The following EYS variants were observed in gnomAD, a reference collection of about 807,000 sequenced individuals.
EYS encodes protein eyes shut homolog.
EYS carries 250 observed loss-of-function variants against 282.1 expected under a neutral mutation model. The ratio of observed to expected loss-of-function variants is 0.89; its 90% CI spans 0.80 to 0.98. The LOEUF is 0.98. Ranked by LOEUF, EYS falls within the 50% of genes least tolerant of loss-of-function variation. EYS has a pLI of 0.00. For synonymous variants in EYS, 1,355 were observed against 1,282.9 expected (o/e 1.06, Z -1.20); for missense variants, 4,016 against 3,709.0 (o/e 1.08, Z -2.15).
intron 36 of EYS, among the ~76,000 whole-genome samples, chr6:63,852,029 C>T (rs1772267554): frequency 6.6e-6 from 1 of 151,172 alleles, no homozygotes. Context: ...TAGTGGCGGG[C>T]ACCTGTAGTC....
chr6:65,282,306 CTATT>C (rs1238478856), intron 12 of EYS, among the ~76,000 whole-genome samples: 3 of 151,902 alleles, frequency 2.0e-5, no homozygotes, highest in Admixed American at 2.0e-4. Context: ...ACTCCACATT[CTATT>C]TATAAATCAA....
chr6:65,467,492 C>G (rs905872570), intron 5 of EYS, among the ~76,000 whole-genome samples: 1 of 150,064 alleles, frequency 6.7e-6, no homozygotes, highest in East Asian at 2.0e-4. Flanking sequence ...AACTGATACA[C>G]ATGACTATTT....
Position 65,295,941 on chromosome 6 carries a change from A to G in EYS, c.1945T>C (p.Ser649Pro), listed in dbSNP as rs1768650310. The part of the protein sequence containing the change: ...ICEIDTEDCK[S>P]ASCKNGTTST... The stretch of plus-strand genomic sequence containing the variant: ...GTTGTTCCATTTTTGCAGGACGCAG[A>G]TTTGCAGTCTTCAGTATCTATCTCA... Residue 649 changes from serine to proline, a missense_variant, in exon 12 of 43, where the codon TCT (serine) becomes CCT (proline). Coordinates refer to ENST00000503581, the MANE Select transcript of EYS (RefSeq NM_001142800.2). The G allele has an allele frequency of 2.6e-6, 4 of 1,550,990 alleles. No homozygotes were observed. Among genetic ancestry groups the G allele is most frequent in the Non-Finnish European group, 3.5e-6 (4 of 1,146,416 alleles).
chr6:64,408,300 A>C (rs1773787501), intron 28 of EYS, among the ~76,000 whole-genome samples: 2 of 152,172 alleles, frequency 1.3e-5, no homozygotes, highest in Non-Finnish European at 2.9e-5. Context: ...TATAAATGTG[A>C]TTGTGACTGC....
intron 37 of EYS, 49 bp downstream of exon 37, chr6:63,806,141 G>A (rs1467347445): frequency 6.9e-7 from 1 of 1,456,364 alleles, no homozygotes; most frequent in South Asian, 1.3e-5. Context: ...AATCTCTAAA[G>A]TATTCTTAAA....
intron 12 of EYS, among the ~76,000 whole-genome samples, chr6:65,202,386 G>A (rs1389150423): frequency 1.3e-5 from 2 of 152,032 alleles, no homozygotes; most frequent in Non-Finnish European, 2.9e-5. Flanking sequence ...GAAATGTCTT[G>A]TCTAGCTGTT....
intron 22 of EYS, among the ~76,000 whole-genome samples, chr6:64,657,340 T>G (rs1172612371): frequency 4.6e-5 from 7 of 152,214 alleles, no homozygotes; most frequent in Non-Finnish European, 1.0e-4. Context: ...AATTGGAGCA[T>G]TTAGCCCATT....
chr6:64,340,219 T>C (rs1325913628), intron 29 of EYS, among the ~76,000 whole-genome samples: 6 of 146,212 alleles, frequency 4.1e-5, no homozygotes, highest in Middle Eastern at 3.5e-3. Flanking sequence ...AGAAAAAGAG[T>C]ATTCTAAAAT....
intron 24 of EYS, among the ~76,000 whole-genome samples, chr6:64,616,017 G>A (rs1403605969): frequency 6.6e-6 from 1 of 152,070 alleles, no homozygotes; most frequent in Non-Finnish European, 1.5e-5. Context: ...TATTTCACAT[G>A]TGAAAGAACA....
chr6:65,575,318 C>T (rs1024285818), intron 2 of EYS, among the ~76,000 whole-genome samples: 10 of 71,760 alleles, frequency 1.4e-4, no homozygotes, highest in Non-Finnish European at 2.5e-4. Flanking sequence ...CAGAGTGGGA[C>T]TTCCTCTCTA....
At position 64,637,374 on chromosome 6, in the gene EYS, A is replaced by T. The variant is rs1230909793; in HGVS notation, c.3444-11129T>A. Among the ~76,000 whole-genome samples the T allele has an allele frequency of 1.5e-3, 119 of 81,708 alleles. 43 individuals carry two copies. Among genetic ancestry groups the T allele is most frequent in the Non-Finnish European group, 2.7e-3 (104 of 39,102 alleles). 53.6% of individuals were successfully genotyped at this position (81,708 alleles called of 152,430 possible). On this transcript the variant is annotated intron_variant, in intron 22 of 42. Transcript: ENST00000503581. ...AAACAAACACCACATGTTCTCACTCATAGATGGGAATCGAACAATGAGAAC... is the reference window on the plus strand; with the variant it reads ...AAACAAACACCACATGTTCTCACTCTTAGATGGGAATCGAACAATGAGAAC...
At chr6:64,268,468 G>A (rs1333273228) in intron 30 of EYS, among the ~76,000 whole-genome samples, 1 of 151,962 alleles carries the variant, frequency 6.6e-6, no homozygotes, top group East Asian at 1.9e-4. Context: ...ACATAATAAT[G>A]AAAGAACAAT....
intron 13 of EYS, among the ~76,000 whole-genome samples, chr6:65,044,705 C>T (rs1256551349): frequency 1.3e-5 from 2 of 151,856 alleles, no homozygotes; most frequent in African/African-American, 2.4e-5. Flanking sequence ...AACCACTCAG[C>T]TCCTCATACT....
At position 64,252,985 on chromosome 6, in the gene EYS, T is replaced by C. The variant is rs187670065; in HGVS notation, c.6192-22161A>G. On this transcript the variant is annotated intron_variant, in intron 30 of 42. Coordinates refer to ENST00000503581, the MANE Select transcript of EYS (RefSeq NM_001142800.2). ...CAATAGTTGCAGAGTAGTTAAATAA[T>C]GTGTTAGAGCCTTTAACATAAAGGC... 2.2e-3 allele frequency among the ~76,000 whole-genome samples: 340 copies of C among 152,240 alleles called. 2 individuals are homozygous for C. Among genetic ancestry groups the C allele is most frequent in the African/African-American group, 7.4e-3 (307 of 41,562 alleles).
chr6:65,139,965 T>A (rs1764286970), intron 12 of EYS, among the ~76,000 whole-genome samples: 1 of 152,010 alleles, frequency 6.6e-6, no homozygotes, highest in African/African-American at 2.4e-5. Context: ...ATATCCAGAA[T>A]CTCATAATAC....
chr6:64,935,402 A>T (rs923564939), intron 15 of EYS, among the ~76,000 whole-genome samples: 11 of 151,814 alleles, frequency 7.2e-5, no homozygotes, highest in African/African-American at 2.7e-4. Context: ...GCTATTTGTA[A>T]TAGTTATACT....
In EYS at chr6:65,278,563, G is replaced by A. The variant is rs190169491; in HGVS notation, c.2023+17300C>T. On this transcript the variant is annotated intron_variant, in intron 12 of 42. Transcript: ENST00000503581. The stretch of plus-strand genomic sequence containing the variant: ...TTTTATTTCTGAGGATCAATTTCAA[G>A]GTTATTCAGTGTGGCATAAATGTAT... 2.6e-5 allele frequency among the ~76,000 whole-genome samples: 4 copies of A among 151,672 alleles called. No homozygotes were observed. In the East Asian group the frequency reaches 7.8e-4, roughly 30 times the overall value.
intron 2 of EYS, among the ~76,000 whole-genome samples, chr6:65,561,176 G>A (rs561164286): frequency 1.9e-4 from 29 of 152,172 alleles, no homozygotes; most frequent in Non-Finnish European, 3.8e-4. Flanking sequence ...TTTTTCTACA[G>A]GCAAGTTGGG....
intron 5 of EYS, among the ~76,000 whole-genome samples, chr6:65,438,767 T>C (rs1768187159): frequency 6.6e-6 from 1 of 152,158 alleles, no homozygotes. Context: ...CTTTGTCAGA[T>C]GAGTAGATTG....
Sources: gnomAD v4.1 joint callset for allele counts (sites outside exome capture counted in the v4.1 genomes callset) on GRCh38, gnomAD v4.1.1 for gene constraint, MANE v1.5 for transcripts, NCBI Gene and HGNC (gene_info 2026-07-23, HGNC 2026-07-21) for gene names.